Variants in PCBP2 observed in about 807,000 individuals in gnomAD.
The protein encoded by PCBP2 is poly(rC)-binding protein 2.
In PCBP2, 4 loss-of-function variants were observed where a neutral mutation model predicts 50.1. The ratio of observed to expected loss-of-function variants is 0.08; its 90% CI spans 0.04 to 0.18. The LOEUF is 0.18. PCBP2 is among the 10% of genes least tolerant of loss of function. The pLI is 1.00. For synonymous variants in PCBP2, 179 were observed against 168.0 expected, an observed-to-expected ratio of 1.07 and a Z score of -0.51; for missense variants, 161 against 474.3, an observed-to-expected ratio of 0.34 and a Z score of 6.14.
chr12:53,461,358 C>G (rs1023343707), intron 7 of PCBP2, among the ~76,000 whole-genome samples: 3 of 152,208 alleles, frequency 2.0e-5, no homozygotes, highest in African/African-American at 4.8e-5. Flanking sequence ...CAGCAGTGAT[C>G]TTTTGGTTCA....
chr12:53,457,450 A>T (rs964898758), intron 5 of PCBP2, among the ~76,000 whole-genome samples: 1 of 152,046 alleles, frequency 6.6e-6, no homozygotes, highest in African/African-American at 2.4e-5. Flanking sequence ...CTGCAGCCTC[A>T]TCTTCCCACC....
intron 8 of PCBP2, 112 bp downstream of exon 8, chr12:53,462,679 G>T (rs1941529679): frequency 1.4e-6 from 1 of 731,480 alleles, no homozygotes; most frequent in African/African-American, 1.8e-5. Context: ...CTATACTCTG[G>T]CCATAGTTTG....
At chr12:53,475,881 A>C (rs999219012) in intron 14 of PCBP2, 2 of 152,254 alleles carry the variant, frequency 1.3e-5, no homozygotes, top group Admixed American at 6.5e-5. Context: ...CTGACTTCTC[A>C]GATGGCCTTA....
chr12:53,455,261 A>G (rs1940913798), intron 2 of PCBP2, 86 bp from the exon 3 acceptor site: 3 of 1,281,468 alleles, frequency 2.3e-6, no homozygotes, highest in African/African-American at 3.0e-5. Context: ...TCATTAGAAC[A>G]TGTAGAAAAA....
chr12:53,476,757 A>G (rs1361219774), intron 14 of PCBP2, among the ~76,000 whole-genome samples: 1 of 152,186 alleles, frequency 6.6e-6, no homozygotes, highest in Non-Finnish European at 1.5e-5. Context: ...ACACGTCTCA[A>G]GTATGCATAA....
intron 7 of PCBP2, among the ~76,000 whole-genome samples, chr12:53,461,402 C>T (rs190999589): frequency 6.6e-6 from 1 of 152,298 alleles, no homozygotes; most frequent in Non-Finnish European, 1.5e-5. Flanking sequence ...AGAAGATGCA[C>T]TGCATGGACT....
At chr12:53,459,197 A>T (rs1245469592) in intron 5 of PCBP2, 75 bp from the exon 6 acceptor site, 51 of 1,268,956 alleles carry the variant, frequency 4.0e-5, no homozygotes, top group Non-Finnish European at 5.0e-5. Context: ...TTACCCTAAT[A>T]AGGGTAAGTG....
At chr12:53,477,515 AAT>A (rs954370167) in intron 14 of PCBP2, among the ~76,000 whole-genome samples, 7 of 151,972 alleles carry the variant, frequency 4.6e-5, no homozygotes, top group African/African-American at 1.7e-4. Context: ...AACATAAAAA[AAT>A]TAGCTGGGCA....
At chr12:53,460,715 C>T (rs530661539) in intron 6 of PCBP2, 7 of 263,538 alleles carry the variant, frequency 2.7e-5, no homozygotes, top group Admixed American at 5.0e-5. Flanking sequence ...GCTTTTGCTT[C>T]GCCCAGAGAA....
chr12:53,455,751 T>C (rs772725280), intron 4 of PCBP2, 134 bp from the exon 5 acceptor site: 44 of 723,532 alleles, frequency 6.1e-5, no homozygotes, highest in Non-Finnish European at 1.0e-4. Flanking sequence ...CATGGAGCAG[T>C]AGTGTTTGGA....
At chr12:53,471,840 C>A in intron 14 of PCBP2, 33 bp downstream of exon 14, 1 of 1,588,180 alleles carries the variant, frequency 6.3e-7, no homozygotes, top group East Asian at 2.2e-5. Flanking sequence ...CTTATTTATG[C>A]CAACACAGTA....
At chr12:53,463,863 A>G (rs1019188529) in intron 8 of PCBP2, among the ~76,000 whole-genome samples, 1 of 152,224 alleles carries the variant, frequency 6.6e-6, no homozygotes, top group Non-Finnish European at 1.5e-5. Flanking sequence ...TTTAGAGGGC[A>G]AGCATAAACT....
At chr12:53,467,598 G>GATCTGATCAGCACCCCCTTT in intron 11 of PCBP2, 1 of 621,996 alleles carries the variant, frequency 1.6e-6, no homozygotes, top group Non-Finnish European at 2.8e-6. Context: ...CTGCCCCCTT[G>GATCTGATCAGCACCCCCTTT]ATCTGATCAG....
chr12:53,471,925 T>G (rs963486196), intron 14 of PCBP2, 118 bp downstream of exon 14: 4 of 249,632 alleles, frequency 1.6e-5, no homozygotes, highest in African/African-American at 2.9e-5. Context: ...GGCCAAAAGG[T>G]TTTTTTTTTT....
chr12:53,471,538 G>A, intron 13 of PCBP2, 100 bp from the exon 14 acceptor site: 1 of 1,178,292 alleles, frequency 8.5e-7, no homozygotes, highest in Non-Finnish European at 1.1e-6. Flanking sequence ...CTGCACTCCA[G>A]CCTGGCCACA....
At chr12:53,469,452 G>A (rs1041087432) in intron 13 of PCBP2, among the ~76,000 whole-genome samples, 1 of 151,984 alleles carries the variant, frequency 6.6e-6, no homozygotes, top group Non-Finnish European at 1.5e-5. Flanking sequence ...TGGGCACGGT[G>A]GCTCACTCCT....
chr12:53,463,270 C>T (rs970790467), intron 8 of PCBP2, among the ~76,000 whole-genome samples: 1 of 152,166 alleles, frequency 6.6e-6, no homozygotes, highest in Non-Finnish European at 1.5e-5. Context: ...GGCACGTGGA[C>T]TATTCTGAAG....
rs1942987799 is a variant in PCBP2, at chr12:53,480,632, A to G, written c.*1190A>G. Reference sequence around the variant, plus strand: ...TCAGCCTGAGCCATCACATGCTATCAGTCTCCTAACCTCCCCCTGGGCCTT... The same window carrying G: ...TCAGCCTGAGCCATCACATGCTATCGGTCTCCTAACCTCCCCCTGGGCCTT... On this transcript the variant is annotated 3_prime_UTR_variant, in exon 15 of 15. Coordinates refer to ENST00000546463, the MANE Select transcript of PCBP2 (RefSeq NM_031989.5). 1 of 152,588 alleles carries G rather than the reference A, an allele frequency of 6.6e-6. No individual in the cohort carries two copies. 9.5% of individuals were successfully genotyped at this position (152,588 alleles called of 1,614,324 possible).
rs1237174737 is a variant in PCBP2 at position 53,455,866 on chromosome 12, G to C, written c.127-19G>C. 6 of 1,506,538 alleles carry C rather than the reference G, an allele frequency of 4.0e-6. No individual in the cohort carries two copies. Among genetic ancestry groups the C allele is most frequent in the Admixed American group, 3.3e-5 (2 of 59,712 alleles). 93.3% of individuals were successfully genotyped at this position (1,506,538 alleles called of 1,614,324 possible). A position where few individuals can be genotyped will look rare whatever the true frequency, so the allele number is the denominator to read the frequency against. ...ATCTTCTTTGTTTTAACTTCTTTTG[G>C]ATCTTGTTTCCTATCTAGAGTGGTG... On this transcript the variant is annotated intron_variant, in intron 4 of 14. Coordinates refer to ENST00000546463, the MANE Select transcript of PCBP2 (RefSeq NM_031989.5).
Sources: allele counts gnomAD v4.1 joint callset (sites outside exome capture counted in the v4.1 genomes callset), GRCh38; gene constraint gnomAD v4.1.1; transcripts MANE v1.5; gene names NCBI Gene and HGNC (gene_info 2026-07-23, HGNC 2026-07-21).